Variants in NFIB observed in about 807,000 individuals in gnomAD.
NFIB encodes the protein nuclear factor I B, also known as nuclear factor 1 B-type.
NFIB carries 11 observed loss-of-function variants against 61.5 expected under a neutral mutation model. The ratio of observed to expected loss-of-function variants is 0.18; its 90% CI spans 0.11 to 0.30. The LOEUF is 0.30. Among genes scored for constraint, NFIB ranks in the 10% least tolerant of loss-of-function variants. The probability of loss-of-function intolerance (pLI) is 1.00; values close to 1 mark genes in which losing one functional copy is unlikely to be tolerated. For missense variants in NFIB, 471 were observed against 608.9 expected (o/e 0.77, Z 2.38); for synonymous variants, 260 against 216.5 (o/e 1.20, Z -1.76).
chr9:14,099,857 A>T (rs2035458431), intron 10 of NFIB, among the ~76,000 whole-genome samples: 2 of 152,080 alleles, frequency 1.3e-5, no homozygotes, highest in African/African-American at 4.8e-5. Flanking sequence ...CAGATCACTT[A>T]AGTCAGGAGT....
At chr9:14,375,663 A>C (rs10961492) in intron 1 of NFIB, among the ~76,000 whole-genome samples, 31,391 of 150,224 alleles carry the variant, frequency 0.21, 4,002 homozygotes, top group East Asian at 0.67. Context: ...CCATCTCAAA[A>C]AAAAAAAAGA....
At chr9:14,181,094 T>C (rs1415272328) in intron 2 of NFIB, among the ~76,000 whole-genome samples, 1 of 152,180 alleles carries the variant, frequency 6.6e-6, no homozygotes, top group Admixed American at 6.5e-5. Context: ...CATACTGAAA[T>C]TGCTGCTTCT....
At chr9:14,441,281 A>C in the NFIB span, among the ~76,000 whole-genome samples, 3 of 152,134 alleles carry the variant, frequency 2.0e-5, no homozygotes, top group East Asian at 5.8e-4. Flanking sequence ...AAACCAAGAC[A>C]TTGCCAAAAG....
chr9:14,429,658 T>C, the NFIB span, among the ~76,000 whole-genome samples: 2 of 152,282 alleles, frequency 1.3e-5, no homozygotes, highest in Non-Finnish European at 2.9e-5. Flanking sequence ...TGTTGGTGGG[T>C]AAGCACTTTC....
intron 10 of NFIB, among the ~76,000 whole-genome samples, chr9:14,100,824 A>T (rs1225842625): frequency 6.6e-6 from 1 of 152,260 alleles, no homozygotes; most frequent in Admixed American, 6.5e-5. Flanking sequence ...GCCAATCAAT[A>T]TTCCACAGAA....
chr9:14,092,038 A>G (rs1249906312), intron 10 of NFIB, among the ~76,000 whole-genome samples: 1 of 152,170 alleles, frequency 6.6e-6, no homozygotes, highest in Admixed American at 6.6e-5. Flanking sequence ...TGAATTATTT[A>G]GAGCTTAAGA....
the NFIB span, among the ~76,000 whole-genome samples, chr9:14,509,420 A>G: frequency 6.6e-6 from 1 of 152,252 alleles, no homozygotes; most frequent in Non-Finnish European, 1.5e-5. Context: ...CTACTGCTAA[A>G]TTGAGCTCCA....
At chr9:14,399,459 T>A (rs140864679), upstream of NFIB, among the ~76,000 whole-genome samples, 626 of 152,296 alleles carry the variant, frequency 4.1e-3, 3 homozygotes, top group Middle Eastern at 0.014. Context: ...TTTTTATTAG[T>A]GAGTCTCTCT....
At chr9:14,111,080 A>T (rs1000637748) in intron 10 of NFIB, among the ~76,000 whole-genome samples, 1 of 152,114 alleles carries the variant, frequency 6.6e-6, no homozygotes, top group African/African-American at 2.4e-5. Flanking sequence ...TCTCGATTCA[A>T]TGTTGTCCAC....
the NFIB span, among the ~76,000 whole-genome samples, chr9:14,449,863 G>C: frequency 1.9e-3 from 287 of 152,160 alleles, no homozygotes; most frequent in African/African-American, 6.5e-3. Context: ...CAACCCAGGA[G>C]GTGGAGGTTG....
intron 2 of NFIB, among the ~76,000 whole-genome samples, chr9:14,273,001 T>C (rs1416377941): frequency 6.6e-6 from 1 of 152,140 alleles, no homozygotes; most frequent in Non-Finnish European, 1.5e-5. Context: ...TTAGTCAGCC[T>C]AGACTAAAAA....
At chr9:14,271,040 G>C (rs372881155) in intron 2 of NFIB, among the ~76,000 whole-genome samples, 1 of 151,830 alleles carries the variant, frequency 6.6e-6, no homozygotes, top group Admixed American at 6.6e-5. Flanking sequence ...CCATTCTCAC[G>C]TATGCATGTT....
At chr9:14,138,149 T>A (rs2041280650) in intron 6 of NFIB, among the ~76,000 whole-genome samples, 1 of 152,144 alleles carries the variant, frequency 6.6e-6, no homozygotes, top group African/African-American at 2.4e-5. Context: ...ATGATCAGTT[T>A]AGTAAGCTGT....
At chr9:14,391,977 T>A (rs2061627699) in intron 1 of NFIB, among the ~76,000 whole-genome samples, 1 of 152,186 alleles carries the variant, frequency 6.6e-6, no homozygotes. Context: ...GAAACAAGAA[T>A]CAAGTTTGCT....
At chr9:14,356,730 G>A (rs2061180134) in intron 1 of NFIB, among the ~76,000 whole-genome samples, 1 of 152,146 alleles carries the variant, frequency 6.6e-6, no homozygotes, top group African/African-American at 2.4e-5. Context: ...ATGGTCTGAG[G>A]GTCTGGGTGA....
At position 14,116,316 on chromosome 9, in the gene NFIB, C is replaced by A; in HGVS notation, c.1276G>T (p.Val426Leu). ...AAGACAGGAGTGAAATGGCCAGGCA[C>A]TTTCCCTACTACTTGACCACTGCCG... ...PNGSGQVVGK[V>L]PGHFTPVLAP... The change falls in exon 9 of 11, where the codon GTG becomes TTG. Residue 426 changes from valine to leucine, a missense_variant. By Grantham distance (32) the Val-to-Leu change is conservative (BLOSUM62 1). Around this residue, in one of 2 missense-constraint regions of NFIB, gnomAD observed 372 missense variants for 395.6 expected, o/e 0.94. Transcript: ENST00000380953. 6.5e-7 allele frequency: 1 copy of A among 1,533,322 alleles called. No individual in the cohort carries two copies. Among genetic ancestry groups the A allele is most frequent in the Non-Finnish European group, 8.8e-7 (1 of 1,138,570 alleles). The allele number at this position is 1,533,322 out of a possible 1,614,324, so 95.0% of individuals were successfully genotyped here.
chr9:14,434,603 C>T, the NFIB span, among the ~76,000 whole-genome samples: 130 of 152,280 alleles, frequency 8.5e-4, no homozygotes, highest in South Asian at 4.6e-3. Context: ...GTTTTCTCCC[C>T]GCCAGAATAG....
At chr9:14,371,787 C>T (rs1588384212) in intron 1 of NFIB, among the ~76,000 whole-genome samples, 2 of 152,232 alleles carry the variant, frequency 1.3e-5, no homozygotes, top group Admixed American at 1.3e-4. Context: ...CCATCAATTC[C>T]TATTGCCCTT....
At chr9:14,394,602 C>G (rs1284160738) in intron 1 of NFIB, among the ~76,000 whole-genome samples, 1 of 152,182 alleles carries the variant, frequency 6.6e-6, no homozygotes, top group Non-Finnish European at 1.5e-5. Context: ...TTATCTCCAC[C>G]TGGCCCTGCC....
Sources: allele counts gnomAD v4.1 joint callset (sites outside exome capture counted in the v4.1 genomes callset), GRCh38; gene constraint gnomAD v4.1.1; regional missense constraint gnomAD v4.1.1; transcripts MANE v1.5; gene names NCBI Gene and HGNC (gene_info 2026-07-23, HGNC 2026-07-21).